Variants in NALCN observed in about 807,000 individuals in gnomAD.
NALCN encodes sodium leak channel NALCN.
A neutral mutation model predicts 225.3 loss-of-function variants in NALCN; 111 were observed. The observed-to-expected ratio is 0.49, with a 90% confidence interval of 0.42 to 0.58. The LOEUF (loss-of-function observed/expected upper bound fraction) is 0.58, where lower values mean the gene tolerates loss of function less well. Ranked by LOEUF, NALCN falls within the 20% of genes least tolerant of loss-of-function variation. NALCN has a pLI of 0.00. For synonymous variants in NALCN, 764 were observed against 769.0 expected, an observed-to-expected ratio of 0.99 and a Z score of 0.11; for missense variants, 1,378 against 2,202.4, an observed-to-expected ratio of 0.63 and a Z score of 7.49.
intron 11 of NALCN, among the ~76,000 whole-genome samples, chr13:101,239,714 C>G (rs2041689604): frequency 6.6e-6 from 1 of 152,036 alleles, no homozygotes; most frequent in Non-Finnish European, 1.5e-5. Context: ...CCCTCAATAC[C>G]AGTATTTATT....
chr13:101,304,686 C>T (rs1300902032), intron 7 of NALCN, among the ~76,000 whole-genome samples: 1 of 152,074 alleles, frequency 6.6e-6, no homozygotes, highest in African/African-American at 2.4e-5. Flanking sequence ...GGTCCACCCA[C>T]CTTGGCCACC....
chr13:101,271,667 T>C (rs1350062531), intron 10 of NALCN, among the ~76,000 whole-genome samples: 1 of 151,964 alleles, frequency 6.6e-6, no homozygotes, highest in African/African-American at 2.4e-5. Context: ...TGCATGATTA[T>C]GTACAAGTGT....
intron 7 of NALCN, among the ~76,000 whole-genome samples, chr13:101,305,160 A>G (rs1055023167): frequency 6.6e-6 from 1 of 152,196 alleles, no homozygotes; most frequent in African/African-American, 2.4e-5. Flanking sequence ...AGATTCATTC[A>G]ACAAGATTAG....
In NALCN at chr13:101,292,510, A is replaced by G. The variant is rs905574984; in HGVS notation, c.800-144T>C. 1.5e-5 allele frequency: 12 copies of G among 805,572 alleles called. No homozygotes were observed. Among genetic ancestry groups the G allele is most frequent in the African/African-American group, 1.4e-4 (8 of 57,658 alleles). 49.9% of individuals were successfully genotyped at this position (805,572 alleles called of 1,614,324 possible). On this transcript the variant is annotated intron_variant, in intron 7 of 43. Transcript: ENST00000251127. This position sits in a 1 kb window ranked among gnomAD's most constrained non-coding sequence, Gnocchi z 4.3. ...AAAATTGATTAGAATCACATGCAAC[A>G]CATTTTACTGTTCTCTTAAAATTTT...
chr13:101,082,307 C>T (rs938661235), intron 33 of NALCN, among the ~76,000 whole-genome samples: 7 of 152,152 alleles, frequency 4.6e-5, no homozygotes, highest in East Asian at 1.9e-4. Context: ...CTTTCCTCTT[C>T]GTTTTATGAC....
At chr13:101,071,161 G>A (rs1397750245) in intron 37 of NALCN, among the ~76,000 whole-genome samples, 1 of 152,162 alleles carries the variant, frequency 6.6e-6, no homozygotes, top group Non-Finnish European at 1.5e-5. Context: ...AGATTTGGGT[G>A]GGGACACAGT....
chr13:101,317,266 G>C (rs1175037145), intron 7 of NALCN, among the ~76,000 whole-genome samples: 1 of 152,020 alleles, frequency 6.6e-6, no homozygotes. Context: ...GTTTGATATA[G>C]AACATCTTTA....
At chr13:101,092,850 T>TC (rs1275926579) in intron 28 of NALCN, among the ~76,000 whole-genome samples, 3 of 152,202 alleles carry the variant, frequency 2.0e-5, no homozygotes, top group African/African-American at 7.2e-5. Flanking sequence ...GAGATGAGTT[T>TC]CGGGTGAGCC....
At chr13:101,404,912 G>C (rs570914438) in intron 1 of NALCN, among the ~76,000 whole-genome samples, 63 of 152,158 alleles carry the variant, frequency 4.1e-4, no homozygotes, top group Non-Finnish European at 1.2e-4. Context: ...TATAAGCACA[G>C]CTTTCCAGAT....
At chr13:101,107,663 G>C in intron 21 of NALCN, 35 bp downstream of exon 21, 1 of 1,613,844 alleles carries the variant, frequency 6.2e-7, no homozygotes, top group Non-Finnish European at 8.5e-7. Flanking sequence ...TGCCATTCCC[G>C]AATGAGAGCC....
chr13:101,056,835 G>GCTAGCTCCTAAT (rs1478030933), intron 43 of NALCN: 27 of 152,128 alleles, frequency 1.8e-4, no homozygotes, highest in African/African-American at 6.5e-4. Flanking sequence ...AGAAATCTTT[G>GCTAGCTCCTAAT]CTAGCTCCTA....
intron 14 of NALCN, among the ~76,000 whole-genome samples, chr13:101,178,876 T>C (rs1304759203): frequency 6.6e-6 from 1 of 152,212 alleles, no homozygotes; most frequent in African/African-American, 2.4e-5. Context: ...TTGCCAGTGA[T>C]GTGCATTGCA....
chr13:101,411,345 CTTTT>C (rs35728574), intron 1 of NALCN, among the ~76,000 whole-genome samples: 2 of 138,234 alleles, frequency 1.4e-5, no homozygotes, highest in Non-Finnish European at 3.1e-5. Context: ...AAGCATCAGA[CTTTT>C]TTTTTTTTTT....
chr13:101,083,929 C>A (rs1293997189), intron 30 of NALCN, 125 bp from the exon 31 acceptor site: 2 of 780,916 alleles, frequency 2.6e-6, no homozygotes, highest in East Asian at 5.9e-5. Flanking sequence ...TTCTTCCAAC[C>A]GTGGTGGTGA....
At chr13:101,063,684 T>C (rs1422218678) in intron 40 of NALCN, among the ~76,000 whole-genome samples, 1 of 152,208 alleles carries the variant, frequency 6.6e-6, no homozygotes, top group East Asian at 1.9e-4. Context: ...AATTGATAAC[T>C]TGAGAGAACT....
intron 7 of NALCN, among the ~76,000 whole-genome samples, chr13:101,298,293 G>A (rs1233175370): frequency 6.6e-6 from 1 of 151,008 alleles, no homozygotes; most frequent in Non-Finnish European, 1.5e-5. Flanking sequence ...GTCTTTTTAT[G>A]TTTACATATA....
At chr13:101,383,423 C>A (rs2046903288) in intron 3 of NALCN, among the ~76,000 whole-genome samples, 2 of 152,010 alleles carry the variant, frequency 1.3e-5, no homozygotes, top group African/African-American at 4.8e-5. Context: ...AAAAAGAAGT[C>A]TATCTCTCAT....
At chr13:101,156,906 T>G (rs1339195418) in intron 15 of NALCN, among the ~76,000 whole-genome samples, 1 of 152,206 alleles carries the variant, frequency 6.6e-6, no homozygotes, top group African/African-American at 2.4e-5. Flanking sequence ...CATTTCCAAT[T>G]ATCATTTTTG....
At chr13:101,364,989 A>C (rs375612380) in intron 6 of NALCN, among the ~76,000 whole-genome samples, 1 of 152,202 alleles carries the variant, frequency 6.6e-6, no homozygotes, top group East Asian at 1.9e-4. Context: ...TAAAGTCCTT[A>C]GAAATTAAAA....
Sources: allele counts gnomAD v4.1 joint callset (sites outside exome capture counted in the v4.1 genomes callset), GRCh38; gene constraint gnomAD v4.1.1; non-coding constraint Gnocchi (gnomAD v3.1); transcripts MANE v1.5; gene names NCBI Gene and HGNC (gene_info 2026-07-23, HGNC 2026-07-21).